Variants in KAT6B observed in about 807,000 individuals in gnomAD.
The protein encoded by KAT6B is histone acetyltransferase KAT6B.
A neutral mutation model predicts 187.5 loss-of-function variants in KAT6B; 10 were observed. The ratio of observed to expected loss-of-function variants is 0.05; its 90% confidence interval spans 0.03 to 0.09. The LOEUF (loss-of-function observed/expected upper bound fraction) is 0.09. Ranked by LOEUF, KAT6B falls within the 10% of genes least tolerant of loss-of-function variation. KAT6B has a pLI of 1.00. For synonymous variants in KAT6B, 861 were observed against 926.8 expected, an observed-to-expected ratio of 0.93 and a Z score of 1.29; for missense variants, 1,952 against 2,558.9, an observed-to-expected ratio of 0.76 and a Z score of 5.12.
At chr10:74,939,589 C>G (rs148801300) in intron 3 of KAT6B, among the ~76,000 whole-genome samples, 157 of 152,094 alleles carry the variant, frequency 1.0e-3, no homozygotes, top group African/African-American at 3.2e-3. Context: ...TTAGTAGAGA[C>G]GGGGTCTCAC....
At chr10:74,968,949 G>A (rs1841670183) in intron 4 of KAT6B, among the ~76,000 whole-genome samples, 1 of 152,106 alleles carries the variant, frequency 6.6e-6, no homozygotes, top group Non-Finnish European at 1.5e-5. Flanking sequence ...GGTGAAAAGT[G>A]TGCCCCAAAC....
chr10:74,857,881 G>A (rs1842918446), intron 3 of KAT6B, among the ~76,000 whole-genome samples: 1 of 152,190 alleles, frequency 6.6e-6, no homozygotes, highest in Non-Finnish European at 1.5e-5. Flanking sequence ...AATTATCCAA[G>A]TGTGATGGCA....
intron 3 of KAT6B, among the ~76,000 whole-genome samples, chr10:74,863,989 T>A (rs1261475718): frequency 3.3e-5 from 5 of 152,366 alleles, no homozygotes; most frequent in African/African-American, 1.2e-4. Context: ...TACACTACTT[T>A]TATGTAGGTA....
At chr10:74,852,351 A>G (rs1307943483) in intron 3 of KAT6B, among the ~76,000 whole-genome samples, 3 of 152,234 alleles carry the variant, frequency 2.0e-5, no homozygotes, top group Non-Finnish European at 2.9e-5. Context: ...TAGAATCACT[A>G]AAGTCAGACA....
At chr10:74,891,197 C>G (rs191407876) in intron 3 of KAT6B, among the ~76,000 whole-genome samples, 3 of 152,334 alleles carry the variant, frequency 2.0e-5, no homozygotes, top group African/African-American at 7.2e-5. Flanking sequence ...TTCTTTTAAA[C>G]CTGGCCACCT....
Position 75,030,854 on chromosome 10 carries a change from T to C in KAT6B, c.6030T>C (p.His2010=), listed in dbSNP as rs1217115361. 6.2e-7 allele frequency: 1 copy of C among 1,614,204 alleles called. No homozygotes were observed. ...PMMNSGYHSN[H]GYMNQTPQYP... ...TGAACAGTGGCTACCACAGCAATCATGGCTATATGAATCAAACGCCCCAAT... is the reference window on the plus strand; with the variant it reads ...TGAACAGTGGCTACCACAGCAATCACGGCTATATGAATCAAACGCCCCAAT... The change falls in exon 18 of 18, where the codon CAT becomes CAC. Residue 2010 remains histidine, a synonymous_variant. Coordinates refer to ENST00000287239, the MANE Select transcript of KAT6B (RefSeq NM_012330.4). The surrounding 1 kb of genome is among the most constrained non-coding windows in gnomAD (Gnocchi z 4.8).
intron 14 of KAT6B, 87 bp downstream of exon 14, chr10:75,020,900 A>G: frequency 8.6e-7 from 1 of 1,163,328 alleles, no homozygotes. Flanking sequence ...CATTCCAGTT[A>G]AAGACTGAGG....
intron 7 of KAT6B, among the ~76,000 whole-genome samples, chr10:74,974,211 TC>T (rs1842019473): frequency 6.6e-6 from 1 of 152,040 alleles, no homozygotes; most frequent in Admixed American, 6.6e-5. Flanking sequence ...CCAGGCAGAG[TC>T]CCTGGCAGTA....
At chr10:74,895,384 A>ATTATTC (rs2132688606) in intron 3 of KAT6B, among the ~76,000 whole-genome samples, 1 of 151,616 alleles carries the variant, frequency 6.6e-6, no homozygotes, top group South Asian at 2.1e-4. Context: ...TATTATTATT[A>ATTATTC]TGGTTAAAAC....
chr10:74,954,866 G>A (rs1158647034), intron 3 of KAT6B, among the ~76,000 whole-genome samples: 2 of 152,058 alleles, frequency 1.3e-5, no homozygotes, highest in Admixed American at 6.6e-5. Context: ...GTAGTGTTTT[G>A]GTACTAGCAT....
intron 3 of KAT6B, among the ~76,000 whole-genome samples, chr10:74,857,600 T>G (rs1023545712): frequency 6.6e-6 from 1 of 152,260 alleles, no homozygotes; most frequent in African/African-American, 2.4e-5. Flanking sequence ...TAGACATTTT[T>G]GGGGGAGCCC....
At chr10:74,883,065 C>T (rs1844974764) in intron 3 of KAT6B, among the ~76,000 whole-genome samples, 1 of 151,968 alleles carries the variant, frequency 6.6e-6, no homozygotes, top group African/African-American at 2.4e-5. Context: ...TATTGAGTTC[C>T]CGAAAGTTTA....
At chr10:74,913,116 C>T (rs1847368333) in intron 3 of KAT6B, among the ~76,000 whole-genome samples, 1 of 152,088 alleles carries the variant, frequency 6.6e-6, no homozygotes, top group Non-Finnish European at 1.5e-5. Context: ...CTATGACAAG[C>T]TATTATTCAG....
At chr10:74,952,142 C>G (rs926549699) in intron 3 of KAT6B, among the ~76,000 whole-genome samples, 1 of 152,034 alleles carries the variant, frequency 6.6e-6, no homozygotes, top group African/African-American at 2.4e-5. Context: ...ATTGCTTGAG[C>G]TTAGGAGTTC....
At chr10:74,982,893 C>T (rs1842601087) in intron 11 of KAT6B, 3 of 152,178 alleles carry the variant, frequency 2.0e-5, no homozygotes, top group Admixed American at 6.5e-5. Flanking sequence ...ATTATTCTGC[C>T]TTACAGTTCT....
At chr10:74,916,043 A>G (rs1484832176) in intron 3 of KAT6B, among the ~76,000 whole-genome samples, 3 of 152,166 alleles carry the variant, frequency 2.0e-5, no homozygotes, top group Non-Finnish European at 4.4e-5. Flanking sequence ...TGCACCTGCA[A>G]TCCCAGCTAC....
At chr10:74,892,369 T>C (rs1448627293) in intron 3 of KAT6B, among the ~76,000 whole-genome samples, 1 of 152,124 alleles carries the variant, frequency 6.6e-6, no homozygotes, top group Admixed American at 6.6e-5. Flanking sequence ...CCCTGTCTCC[T>C]ATAAAGGCAG....
At chr10:74,870,333 T>C (rs939582681) in intron 3 of KAT6B, among the ~76,000 whole-genome samples, 4 of 151,902 alleles carry the variant, frequency 2.6e-5, no homozygotes, top group African/African-American at 9.7e-5. Context: ...TATGAGACCA[T>C]GAGACCTATA....
At chr10:74,829,382 A>G (rs1404262452) in intron 1 of KAT6B, among the ~76,000 whole-genome samples, 1 of 152,168 alleles carries the variant, frequency 6.6e-6, no homozygotes, top group Non-Finnish European at 1.5e-5. Flanking sequence ...TCAGTCTCCT[A>G]GTTCTCTACA....
Sources: allele counts gnomAD v4.1 joint callset (sites outside exome capture counted in the v4.1 genomes callset), GRCh38; gene constraint gnomAD v4.1.1; non-coding constraint Gnocchi (gnomAD v3.1); transcripts MANE v1.5; gene names NCBI Gene and HGNC (gene_info 2026-07-23, HGNC 2026-07-21).